Variants in HYDIN observed in about 807,000 individuals in gnomAD.
HYDIN encodes the protein axonemal central pair apparatus protein HYDIN.
HYDIN carries 132 observed loss-of-function variants against 403.9 expected under a neutral mutation model. The observed-to-expected ratio is 0.33, with a 90% CI of 0.28 to 0.38. The LOEUF (loss-of-function observed/expected upper bound fraction) is 0.38. HYDIN is among the 10% of genes least tolerant of loss of function. The pLI is 1.00. For missense variants in HYDIN, 2,827 were observed against 5,009.5 expected (o/e 0.56, Z 13.15); for synonymous variants, 1,202 against 1,891.7 (o/e 0.64, Z 9.46).
intron 23 of HYDIN, among the ~76,000 whole-genome samples, chr16:70,995,958 C>T (rs998763014): frequency 4.0e-4 from 60 of 150,544 alleles, no homozygotes; most frequent in Admixed American, 2.1e-3. Flanking sequence ...CTGTACCTTC[C>T]TCTGGAGCAT....
At chr16:71,008,472 G>A (rs1161988624) in intron 23 of HYDIN, among the ~76,000 whole-genome samples, 22 of 152,066 alleles carry the variant, frequency 1.4e-4, no homozygotes, top group African/African-American at 5.1e-4. Flanking sequence ...TATTGGTCAA[G>A]ATTACGGCAG....
chr16:71,028,259 G>C (rs1180293288), intron 19 of HYDIN, among the ~76,000 whole-genome samples: 2 of 152,222 alleles, frequency 1.3e-5, no homozygotes, highest in Admixed American at 1.3e-4. Context: ...TAGTGACTGA[G>C]TGGAATGTCC....
At chr16:71,132,014 A>C (rs559476084) in intron 8 of HYDIN, 10 of 149,748 alleles carry the variant, frequency 6.7e-5, no homozygotes, top group Admixed American at 2.7e-4. Context: ...GTAATAAAAA[A>C]GCAAAAGAAA....
chr16:71,036,410 A>T (rs1171422847), intron 18 of HYDIN, among the ~76,000 whole-genome samples: 1 of 150,120 alleles, frequency 6.7e-6, no homozygotes, highest in Non-Finnish European at 1.5e-5. Context: ...TCATTTTATC[A>T]AAAAGCAAAA....
At chr16:71,216,087 G>A (rs891460236) in intron 1 of HYDIN, among the ~76,000 whole-genome samples, 1 of 152,108 alleles carries the variant, frequency 6.6e-6, no homozygotes, top group Non-Finnish European at 1.5e-5. Flanking sequence ...TTAAAGATAC[G>A]TATGTTCTAT....
intron 55 of HYDIN, chr16:70,894,094 T>C (rs1167895858): frequency 5.7e-6 from 1 of 174,044 alleles, no homozygotes; most frequent in African/African-American, 2.4e-5. Context: ...CCTCCCGGCC[T>C]CTTCCCCTAA....
At chr16:70,976,619 C>T (rs373962316) in intron 30 of HYDIN, among the ~76,000 whole-genome samples, 78 of 150,864 alleles carry the variant, frequency 5.2e-4, no homozygotes, top group South Asian at 4.1e-3. Context: ...TATAGTTATA[C>T]GAGACGTTAC....
In HYDIN at chr16:70,803,966, C is replaced by A. The variant is rs1275784713; in HGVS notation, c.*3614G>T. Among the ~76,000 whole-genome samples, 6 of 152,214 alleles carry A rather than the reference C, an allele frequency of 3.9e-5. No individual in the cohort carries two copies. The highest frequency in any genetic ancestry group is 1.4e-4 in the African/African-American group (6 of 41,452). On this transcript the variant is annotated 3_prime_UTR_variant, in exon 86 of 86. Transcript: ENST00000393567. ...CTGAACATCCCCCAGTTAGAAGTCT[C>A]CTGGTCTGCTTTGCTGAGAATGGAT...
In HYDIN at chr16:70,834,003, G is replaced by A. The variant is rs1266955159; in HGVS notation, c.13563C>T (p.Cys4521=). 6.2e-7 allele frequency: 1 copy of A among 1,606,070 alleles called. No individual in the cohort carries two copies. Among genetic ancestry groups the A allele is most frequent in the Non-Finnish European group, 8.5e-7 (1 of 1,174,140 alleles). The part of the protein sequence containing the change: ...LLRPLFLLSG[C]CQALEISLDQ... ...CCAGTGAGATCTCCAGGGCCTGGCA[G>A]CAGCCGCTAAGGAGGAAGAGGGGGC... The change falls in exon 79 of 86, where the codon TGC becomes TGT. Residue 4521 remains cysteine (C), a synonymous_variant. Coordinates refer to ENST00000393567, the MANE Select transcript of HYDIN (RefSeq NM_001270974.2).
intron 23 of HYDIN, among the ~76,000 whole-genome samples, chr16:70,995,838 G>T (rs1384921005): frequency 6.6e-6 from 1 of 152,056 alleles, no homozygotes; most frequent in Non-Finnish European, 1.5e-5. Flanking sequence ...AAATCAGCTG[G>T]ACAAGAAGGG....
At chr16:71,195,816 G>C (rs986981657) in intron 1 of HYDIN, among the ~76,000 whole-genome samples, 1 of 152,116 alleles carries the variant, frequency 6.6e-6, no homozygotes, top group Admixed American at 6.5e-5. Context: ...TTAAAGAAAA[G>C]GAAAATGCAG....
intron 45 of HYDIN, among the ~76,000 whole-genome samples, chr16:70,931,930 G>A (rs1774377): frequency 1.5e-5 from 2 of 134,490 alleles, no homozygotes; most frequent in East Asian, 2.3e-4. Context: ...CAGGAGAAGC[G>A]CTTGAACCCA....
intron 53 of HYDIN, among the ~76,000 whole-genome samples, chr16:70,898,973 G>A (rs1324127182): frequency 6.6e-6 from 1 of 152,192 alleles, no homozygotes; most frequent in Non-Finnish European, 1.5e-5. Context: ...ATTTCACCAT[G>A]TTGGCCAGGG....
At chr16:71,170,471 TCTAA>T (rs1166976672) in intron 5 of HYDIN, among the ~76,000 whole-genome samples, 1 of 152,118 alleles carries the variant, frequency 6.6e-6, no homozygotes, top group Non-Finnish European at 1.5e-5. Context: ...AGGCTATAGA[TCTAA>T]CTATCAGTTA....
chr16:71,069,133 C>T (rs995445973), intron 14 of HYDIN, 134 bp downstream of exon 14: 15 of 799,266 alleles, frequency 1.9e-5, no homozygotes, highest in African/African-American at 1.2e-4. Context: ...TATAGGCCCA[C>T]GTTTCCCTGT....
chr16:71,135,102 G>C (rs1487314986), intron 8 of HYDIN, among the ~76,000 whole-genome samples: 1 of 151,682 alleles, frequency 6.6e-6, no homozygotes, highest in East Asian at 1.9e-4. Context: ...GTTAAAAGAG[G>C]GTCATGATTC....
intron 2 of HYDIN, 52 bp from the exon 3 acceptor site, chr16:71,185,042 A>ACACTTTTTC: frequency 7.1e-7 from 1 of 1,408,400 alleles, no homozygotes; most frequent in Non-Finnish European, 9.6e-7. Context: ...TGTACTGAAA[A>ACACTTTTTC]AGTGTTTTCA....
intron 81 of HYDIN, 136 bp downstream of exon 81, chr16:70,829,482 C>A: frequency 2.9e-6 from 2 of 697,314 alleles, no homozygotes; most frequent in Non-Finnish European, 5.0e-6. Flanking sequence ...GATCCACCCT[C>A]CTCAGCCTCC....
At chr16:70,914,391 T>G (rs1323665741) in intron 47 of HYDIN, among the ~76,000 whole-genome samples, 1 of 152,018 alleles carries the variant, frequency 6.6e-6, no homozygotes, top group Non-Finnish European at 1.5e-5. Flanking sequence ...TTCCTTCATA[T>G]ACGATGCTTA....
Sources: gnomAD v4.1 joint callset for allele counts (sites outside exome capture counted in the v4.1 genomes callset) on GRCh38, gnomAD v4.1.1 for gene constraint, MANE v1.5 for transcripts, NCBI Gene and HGNC (gene_info 2026-07-23, HGNC 2026-07-21) for gene names.